RNF17: variants seen among roughly 807,000 people sequenced by gnomAD.
The protein encoded by RNF17 is spermatogenesis associated 23.
In RNF17, 31 loss-of-function variants were observed where a neutral mutation model predicts 200.5. That is an observed-to-expected ratio of 0.15 (90% CI 0.12 to 0.21). The LOEUF is 0.21. RNF17 is among the 10% of genes least tolerant of loss of function. RNF17 has a pLI of 1.00. For missense variants in RNF17, 1,628 were observed against 1,905.1 expected (o/e 0.85, Z 2.71); for synonymous variants, 606 against 637.8 (o/e 0.95, Z 0.75).
At chr13:24,800,938 G>T (rs1885179051) in intron 13 of RNF17, among the ~76,000 whole-genome samples, 1 of 152,124 alleles carries the variant, frequency 6.6e-6, no homozygotes, top group African/African-American at 2.4e-5. Flanking sequence ...TCTCCAGCAA[G>T]ATTGTAAACT....
At chr13:24,772,777 A>T (rs1880966766) in intron 2 of RNF17, among the ~76,000 whole-genome samples, 1 of 151,766 alleles carries the variant, frequency 6.6e-6, no homozygotes, top group Non-Finnish European at 1.5e-5. Flanking sequence ...CGCCCAGCTA[A>T]TTTTTTGTAT....
intron 9 of RNF17, among the ~76,000 whole-genome samples, chr13:24,792,466 G>A (rs1386988540): frequency 6.6e-6 from 1 of 152,124 alleles, no homozygotes; most frequent in Non-Finnish European, 1.5e-5. Context: ...AACAGAAGTG[G>A]TGTTGTATAA....
rs1288017914 is a variant in RNF17 at position 24,807,183 on chromosome 13, C to T, written c.2091+2754C>T. 2.0e-5 allele frequency among the ~76,000 whole-genome samples: 3 copies of T among 152,066 alleles called. No individual in the cohort carries two copies. The South Asian group carries it at 6.2e-4, about 32-fold the overall frequency. ...ATATCCAGTAATGGGATGGCTGGGT[C>T]AAATGGTATTTCTAGTTCTAGATCC... On this transcript the variant is annotated intron_variant, in intron 15 of 35. Coordinates refer to ENST00000255324, the MANE Select transcript of RNF17 (RefSeq NM_031277.3).
At position 24,787,160 on chromosome 13, in the gene RNF17, TTC is replaced by T. The variant is rs569776253; in HGVS notation, c.612-826_612-825del. ...TATTTTTCAATACAATCTATGGAAT[TTC>T]TGTTTGGTTATTTTATATAATTTCT... On this transcript the variant is annotated intron_variant, in intron 6 of 35. Coordinates refer to ENST00000255324, the MANE Select transcript of RNF17 (RefSeq NM_031277.3). 3.4e-3 allele frequency among the ~76,000 whole-genome samples: 517 copies of T among 152,258 alleles called. 3 individuals carry two copies. The highest frequency in any genetic ancestry group is 0.016 in the Admixed American group (245 of 15,288).
the RNF17 span, among the ~76,000 whole-genome samples, chr13:24,886,943 C>T: frequency 1.3e-5 from 2 of 152,162 alleles, no homozygotes; most frequent in South Asian, 2.1e-4. Context: ...GGCAGGATAA[C>T]GAGAGGTGAC....
chr13:24,862,096 T>C (rs1289582683), intron 27 of RNF17, among the ~76,000 whole-genome samples: 2 of 152,188 alleles, frequency 1.3e-5, no homozygotes, highest in Non-Finnish European at 2.9e-5. Flanking sequence ...AACTGCCCCA[T>C]GATCCAGTCA....
chr13:24,818,333 A>G (rs79362597), intron 15 of RNF17, among the ~76,000 whole-genome samples: 1 of 151,582 alleles, frequency 6.6e-6, no homozygotes, highest in Admixed American at 6.6e-5. Context: ...GCCTTGTAGG[A>G]AAAAAAAAGA....
At chr13:24,762,369 TAAAAAAAAAAA>T (rs370600110), upstream of RNF17, among the ~76,000 whole-genome samples, 18 of 113,868 alleles carry the variant, frequency 1.6e-4, no homozygotes, top group East Asian at 9.5e-4. Context: ...ACTCCATTTC[TAAAAAAAAAAA>T]AAAAAAAAAA....
intron 11 of RNF17, among the ~76,000 whole-genome samples, chr13:24,796,800 G>A (rs1431104195): frequency 1.3e-5 from 2 of 152,122 alleles, no homozygotes; most frequent in East Asian, 1.9e-4. Flanking sequence ...CTTTTGTTAC[G>A]AGTATTTTTC....
downstream of RNF17, chr13:24,883,399 TAA>T (rs141987132): frequency 1.6e-5 from 23 of 1,407,322 alleles, no homozygotes; most frequent in East Asian, 2.0e-4. Flanking sequence ...TATGATTTCT[TAA>T]AAAAAAAATA....
At chr13:24,771,352 G>GTTTTA (rs1566113539) in intron 2 of RNF17, among the ~76,000 whole-genome samples, 4 of 68,196 alleles carry the variant, frequency 5.9e-5, no homozygotes, top group Admixed American at 2.1e-4. Context: ...TTTTTTTTTG[G>GTTTTA]AAGAGGTGAA....
At chr13:24,824,916 C>T (rs144740913) in intron 15 of RNF17, among the ~76,000 whole-genome samples, 479 of 152,156 alleles carry the variant, frequency 3.1e-3, no homozygotes, top group African/African-American at 0.011. Flanking sequence ...ATGAAAAAGC[C>T]ACCTATGACA....
upstream of RNF17, among the ~76,000 whole-genome samples, chr13:24,762,984 T>A (rs541944937): frequency 6.6e-6 from 1 of 152,324 alleles, no homozygotes; most frequent in South Asian, 2.1e-4. Context: ...AGTCACTGTG[T>A]CTTCCATCTA....
intron 2 of RNF17, among the ~76,000 whole-genome samples, chr13:24,771,638 CT>C (rs11361522): frequency 0.43 from 60,456 of 140,382 alleles, 12,706 homozygotes; most frequent in South Asian, 0.51. Flanking sequence ...CTAGGTAGGG[CT>C]TTTTTTTTTT....
At chr13:24,822,037 T>C (rs1593344954) in intron 15 of RNF17, among the ~76,000 whole-genome samples, 1 of 152,182 alleles carries the variant, frequency 6.6e-6, no homozygotes, top group African/African-American at 2.4e-5. Context: ...GAGGTGGATG[T>C]GCCGGATTTT....
At chr13:24,875,057 A>AG (rs1349785867) in intron 33 of RNF17, among the ~76,000 whole-genome samples, 1 of 152,210 alleles carries the variant, frequency 6.6e-6, no homozygotes. Context: ...TATATATATG[A>AG]GGGGTCTTCA....
At position 24,796,137 on chromosome 13, in the gene RNF17, G is replaced by A. The variant is rs767225420; in HGVS notation, c.1241G>A (p.Ser414Asn). The change falls in exon 11 of 36, where the codon AGT becomes AAT. Residue 414 changes from serine to asparagine, a missense_variant and splice_region_variant. This residue lies in a region of RNF17 where 502 missense variants were observed against 501.7 expected (regional missense o/e 1.00). Coordinates refer to ENST00000255324, the MANE Select transcript of RNF17 (RefSeq NM_031277.3). ...ATGTGACTTAAACATTTTTATCCAG[G>A]TTCTGCAGAGCTAGTTTTTGTAAGC... ...IEEIIEDNVE[S>N]SAELVFVSHV... 5.0e-6 allele frequency: 8 copies of A among 1,599,144 alleles called. No individual in the cohort carries two copies. The South Asian group carries it at 6.8e-5, about 14-fold the overall frequency.
At chr13:24,757,393 G>A in the RNF17 span, among the ~76,000 whole-genome samples, 2 of 150,024 alleles carry the variant, frequency 1.3e-5, no homozygotes, top group African/African-American at 4.9e-5. Context: ...GCGTGTTCTT[G>A]GCTCACTGCA....
chr13:24,885,778 C>T, the RNF17 span: 1 of 800,836 alleles, frequency 1.2e-6, no homozygotes, highest in South Asian at 1.5e-5. Flanking sequence ...TGTCCTTTAT[C>T]CATTAGTTAA....
Sources: allele counts gnomAD v4.1 joint callset (sites outside exome capture counted in the v4.1 genomes callset), GRCh38; gene constraint gnomAD v4.1.1; regional missense constraint gnomAD v4.1.1; transcripts MANE v1.5; gene names NCBI Gene and HGNC (gene_info 2026-07-23, HGNC 2026-07-21).